The following MATN2 variants were observed in gnomAD, a reference collection of about 807,000 sequenced individuals.
The protein encoded by MATN2 is matrilin 2, also known as matrilin-2.
A neutral mutation model predicts 103.2 loss-of-function variants in MATN2; 69 were observed. The observed-to-expected ratio is 0.67, with a 90% CI of 0.55 to 0.82. The LOEUF (loss-of-function observed/expected upper bound fraction) is 0.82. Ranked by LOEUF, MATN2 falls within the 40% of genes least tolerant of loss-of-function variation. The pLI is 0.00. For missense variants in MATN2, 1,023 were observed against 1,211.5 expected, an observed-to-expected ratio of 0.84 and a Z score of 2.31; for synonymous variants, 429 against 450.2, an observed-to-expected ratio of 0.95 and a Z score of 0.60.
intron 7 of MATN2, among the ~76,000 whole-genome samples, chr8:97,995,243 A>G (rs1812543385): frequency 6.6e-6 from 1 of 152,216 alleles, no homozygotes; most frequent in Non-Finnish European, 1.5e-5. Flanking sequence ...CCACAAGGAC[A>G]GAGACGATTA....
intron 5 of MATN2, among the ~76,000 whole-genome samples, chr8:97,962,501 G>A (rs1811348925): frequency 6.6e-6 from 1 of 152,220 alleles, no homozygotes; most frequent in Non-Finnish European, 1.5e-5. Context: ...GGTGAGTGAT[G>A]AGAGTATCGT....
chr8:97,882,171 G>A (rs748795930), intron 1 of MATN2, among the ~76,000 whole-genome samples: 6 of 151,446 alleles, frequency 4.0e-5, no homozygotes, highest in South Asian at 2.1e-4. Context: ...TGATCTGCCC[G>A]CCTCAGCTTC....
At chr8:97,964,643 T>C (rs1355976032) in intron 5 of MATN2, among the ~76,000 whole-genome samples, 1 of 151,910 alleles carries the variant, frequency 6.6e-6, no homozygotes, top group East Asian at 1.9e-4. Flanking sequence ...ATACATTGTC[T>C]AGGCTGGTCT....
At chr8:97,904,599 G>C in intron 2 of MATN2, among the ~76,000 whole-genome samples, 1 of 152,096 alleles carries the variant, frequency 6.6e-6, no homozygotes, top group Middle Eastern at 3.2e-3. Flanking sequence ...TGAAAAAGCC[G>C]TACAGTTTTT....
chr8:97,897,266 G>C (rs1818846396), intron 2 of MATN2, among the ~76,000 whole-genome samples: 1 of 152,218 alleles, frequency 6.6e-6, no homozygotes, highest in Admixed American at 6.5e-5. Flanking sequence ...ATGGGCAGGA[G>C]GAAAAGATAC....
chr8:97,920,508 C>T (rs902653332), intron 2 of MATN2, among the ~76,000 whole-genome samples: 5 of 152,152 alleles, frequency 3.3e-5, no homozygotes, highest in African/African-American at 7.2e-5. Context: ...GCACCCAGCC[C>T]GATACTAGGA....
chr8:97,889,472 TA>T (rs1403015198), intron 2 of MATN2, among the ~76,000 whole-genome samples: 1 of 139,156 alleles, frequency 7.2e-6, no homozygotes, highest in Non-Finnish European at 1.6e-5. Context: ...TATATATATA[TA>T]TATATATATA....
At position 98,030,578 on chromosome 8, in the gene MATN2, G is replaced by A. The variant is rs200768007; in HGVS notation, c.2473G>A (p.Glu825Lys). Residue 825 changes from glutamate to lysine, a missense_variant, in exon 15 of 19, where the codon GAG becomes AAG. Transcript: ENST00000254898. ...FYAEDFSTMD[E>K]ISEKLKKGIC... is the part of the protein sequence containing the mutation. Reference sequence around the variant, plus strand: ...TGCCGAAGACTTCAGCACAATGGATGAGATAAGTGAAAAACTCAAGAAAGG... The same window carrying A: ...TGCCGAAGACTTCAGCACAATGGATAAGATAAGTGAAAAACTCAAGAAAGG... 1.2e-4 allele frequency: 188 copies of A among 1,613,822 alleles called. No homozygotes were observed. The highest frequency in any genetic ancestry group is 1.5e-4 in the Non-Finnish European group (182 of 1,179,876).
At chr8:97,905,888 T>C (rs1293218114) in intron 2 of MATN2, among the ~76,000 whole-genome samples, 1 of 152,136 alleles carries the variant, frequency 6.6e-6, no homozygotes, top group Non-Finnish European at 1.5e-5. Context: ...CTTGAACTCC[T>C]GGGCTCAAGC....
chr8:97,974,350 G>A (rs1231627141), intron 5 of MATN2, among the ~76,000 whole-genome samples: 2 of 152,154 alleles, frequency 1.3e-5, no homozygotes, highest in Admixed American at 1.3e-4. Context: ...TGTTGGCCAG[G>A]CTGGTCTTGA....
At chr8:97,987,486 A>T (rs565835404) in intron 6 of MATN2, among the ~76,000 whole-genome samples, 15 of 152,332 alleles carry the variant, frequency 9.8e-5, no homozygotes, top group African/African-American at 3.4e-4. Context: ...AGCAATTTTT[A>T]AAAATGTTGC....
intron 4 of MATN2, among the ~76,000 whole-genome samples, chr8:97,949,072 G>A (rs1464187732): frequency 6.6e-6 from 1 of 151,688 alleles, no homozygotes; most frequent in Non-Finnish European, 1.5e-5. Flanking sequence ...TATTTGAACA[G>A]ACACTAAACC....
chr8:97,870,431 T>G (rs1817853927), intron 1 of MATN2, among the ~76,000 whole-genome samples: 3 of 151,816 alleles, frequency 2.0e-5, no homozygotes, highest in Non-Finnish European at 4.4e-5. Context: ...GGCAGGAGAA[T>G]CGGTTGAACC....
At chr8:97,912,215 A>G (rs1809471273) in intron 2 of MATN2, among the ~76,000 whole-genome samples, 1 of 152,244 alleles carries the variant, frequency 6.6e-6, no homozygotes, top group South Asian at 2.1e-4. Context: ...TTGAATAAAT[A>G]CCATTCCACT....
intron 3 of MATN2, among the ~76,000 whole-genome samples, chr8:97,938,181 T>C (rs1335047899): frequency 6.6e-6 from 1 of 152,128 alleles, no homozygotes; most frequent in Non-Finnish European, 1.5e-5. Context: ...TCCTTAATTA[T>C]GGAGAGAGAC....
At chr8:97,987,434 C>G (rs900382520) in intron 6 of MATN2, among the ~76,000 whole-genome samples, 2 of 151,938 alleles carry the variant, frequency 1.3e-5, no homozygotes, top group Non-Finnish European at 2.9e-5. Flanking sequence ...CACCCTAGAA[C>G]TTAAAATAAA....
At position 97,894,880 on chromosome 8, in the gene MATN2, C is replaced by CT. The variant is rs112131272; in HGVS notation, c.142+6648dup. On this transcript the variant is annotated intron_variant, in intron 2 of 18. Coordinates refer to ENST00000254898, the MANE Select transcript of MATN2 (RefSeq NM_002380.5). The stretch of plus-strand genomic sequence containing the variant: ...CTAGGTTGATATTTATTAACCCCCC[C>CT]TTTTTTTTTTGAGACAGAGTCTTGC... Among the ~76,000 whole-genome samples, 475 of 147,846 alleles carry CT rather than the reference C, an allele frequency of 3.2e-3. 3 individuals carry two copies. Among genetic ancestry groups the CT allele is most frequent in the African/African-American group, 0.01 (422 of 40,422 alleles).
chr8:97,981,265 A>T (rs4735519), intron 6 of MATN2, among the ~76,000 whole-genome samples: 14,122 of 151,492 alleles, frequency 0.093, 924 homozygotes, highest in Admixed American at 0.19. Context: ...TAGAAATAGG[A>T]TCTTACTCTG....
intron 6 of MATN2, among the ~76,000 whole-genome samples, chr8:97,988,808 TGAA>T (rs1305134332): frequency 2.6e-5 from 4 of 152,054 alleles, no homozygotes; most frequent in Non-Finnish European, 4.4e-5. Context: ...TCCAAAAAAT[TGAA>T]GAAGAAAGAA....
Sources: gnomAD v4.1 joint callset for allele counts (sites outside exome capture counted in the v4.1 genomes callset) on GRCh38, gnomAD v4.1.1 for gene constraint, MANE v1.5 for transcripts, NCBI Gene and HGNC (gene_info 2026-07-23, HGNC 2026-07-21) for gene names.